Variants in UCK2 observed in about 807,000 individuals in gnomAD.
The protein encoded by UCK2 is cytidine monophosphokinase 2.
In UCK2, 6 loss-of-function variants were observed where a neutral mutation model predicts 30.8. The ratio of observed to expected loss-of-function variants is 0.19; its 90% CI spans 0.11 to 0.38. UCK2 has a LOEUF of 0.38. UCK2 is among the 10% of genes least tolerant of loss of function. The pLI is 1.00. For missense variants in UCK2, 210 were observed against 339.8 expected, an observed-to-expected ratio of 0.62 and a Z score of 3.00; for synonymous variants, 125 against 133.6, an observed-to-expected ratio of 0.94 and a Z score of 0.45.
At chr1:165,841,109 G>GTATATATATA (rs1427958973) in intron 1 of UCK2, among the ~76,000 whole-genome samples, 2,234 of 46,184 alleles carry the variant, frequency 0.048, 30 homozygotes, top group Admixed American at 0.064. Context: ...GTGTGTGTGT[G>GTATATATATA]TGTATATATA....
In UCK2 at chr1:165,898,503, C is replaced by T. The variant is rs116932396; in HGVS notation, c.499+2171C>T. Among the ~76,000 whole-genome samples the T allele has an allele frequency of 8.9e-3, 1,358 of 152,284 alleles. 35 individuals are homozygous for T. Among genetic ancestry groups the T allele is most frequent in the Admixed American group, 0.057 (870 of 15,296 alleles). ...TTAGATCCTCCAAGGGGATCTGCTC[C>T]GGTCATGTCCTCAGGAGCTAGTGAT... is the stretch of plus-strand genomic sequence containing the variant. On this transcript the variant is annotated intron_variant, in intron 4 of 6. Coordinates refer to ENST00000367879, the MANE Select transcript of UCK2 (RefSeq NM_012474.5).
chr1:165,849,980 G>T (rs1385800252), intron 1 of UCK2, among the ~76,000 whole-genome samples: 1 of 152,144 alleles, frequency 6.6e-6, no homozygotes, highest in Non-Finnish European at 1.5e-5. Context: ...TGGATTAACA[G>T]GTAAGAGTTT....
intron 1 of UCK2, among the ~76,000 whole-genome samples, chr1:165,858,551 G>A (rs1011492550): frequency 6.6e-6 from 1 of 152,186 alleles, no homozygotes; most frequent in Admixed American, 6.5e-5. Context: ...GTTATGCCAG[G>A]TCATGAAGCA....
At chr1:165,869,180 A>G (rs188838621) in intron 1 of UCK2, among the ~76,000 whole-genome samples, 61 of 152,320 alleles carry the variant, frequency 4.0e-4, no homozygotes, top group African/African-American at 1.5e-3. Context: ...AGTAATGTCA[A>G]AGATCACTGA....
In UCK2 at chr1:165,827,851, G is replaced by A. The variant is rs200215834; in HGVS notation, c.18G>A (p.Glu6=). 82 of 1,470,018 alleles carry A rather than the reference G, an allele frequency of 5.6e-5. No individual in the cohort carries two copies. The highest frequency in any genetic ancestry group is 2.5e-4 in the East Asian group (9 of 35,610). 91.1% of individuals were successfully genotyped at this position (1,470,018 alleles called of 1,614,324 possible). A position where few individuals can be genotyped will look rare whatever the true frequency, so the allele number is the denominator to read the frequency against. The change falls in exon 1 of 7, where the codon GAG becomes GAA. Residue 6 remains glutamate (E), a synonymous_variant. Coordinates refer to ENST00000367879, the MANE Select transcript of UCK2 (RefSeq NM_012474.5). ...CGCGAACCATGGCCGGGGACAGCGA[G>A]CAGACCCTGCAGAACCACCAGCAGC... MAGDS[E]QTLQNHQQPN... is the part of the protein sequence containing the mutation.
intron 1 of UCK2, among the ~76,000 whole-genome samples, chr1:165,854,620 A>C (rs1239944990): frequency 1.3e-5 from 2 of 150,976 alleles, no homozygotes; most frequent in Admixed American, 1.3e-4. Flanking sequence ...TAAATAAATA[A>C]ATAAATAAAT....
At chr1:165,869,399 A>G (rs1343625555) in intron 1 of UCK2, among the ~76,000 whole-genome samples, 2 of 152,106 alleles carry the variant, frequency 1.3e-5, no homozygotes, top group Non-Finnish European at 2.9e-5. Flanking sequence ...GTATGCCTGT[A>G]TCTACTTGAG....
chr1:165,867,403 T>C (rs1571280881), intron 1 of UCK2, among the ~76,000 whole-genome samples: 1 of 152,318 alleles, frequency 6.6e-6, no homozygotes, highest in East Asian at 1.9e-4. Context: ...TTGCCCATAG[T>C]CAAACTTCTT....
chr1:165,889,828 T>A (rs1655718969), intron 1 of UCK2, among the ~76,000 whole-genome samples: 1 of 151,900 alleles, frequency 6.6e-6, no homozygotes, highest in Admixed American at 6.6e-5. Flanking sequence ...TTTTTCCTTA[T>A]CCTCTGCTTC....
chr1:165,846,023 G>A (rs780977460), intron 1 of UCK2, among the ~76,000 whole-genome samples: 9 of 152,160 alleles, frequency 5.9e-5, no homozygotes, highest in Admixed American at 6.5e-5. Flanking sequence ...CAGGTGCAGT[G>A]GCTCATGCTT....
chr1:165,901,773 G>T lies in UCK2; in HGVS notation c.500-1409G>T, dbSNP rs578145540. Among the ~76,000 whole-genome samples, 4 of 152,244 alleles carry T rather than the reference G, an allele frequency of 2.6e-5. No individual in the cohort carries two copies. In the South Asian group the frequency reaches 8.3e-4, roughly 32 times the overall value. On this transcript the variant is annotated intron_variant, in intron 4 of 6. Transcript: ENST00000367879. ...ATGGGGAAACTAAGGCTCATGTACA[G>T]CGGCAGAATGAGGGTGATCAGTCTT... is the stretch of plus-strand genomic sequence containing the variant.
intron 4 of UCK2, among the ~76,000 whole-genome samples, chr1:165,896,692 G>A (rs1647270740): frequency 6.6e-6 from 1 of 152,188 alleles, no homozygotes; most frequent in Non-Finnish European, 1.5e-5. Flanking sequence ...TCTGATTTGG[G>A]GAACTAACTG....
intron 1 of UCK2, among the ~76,000 whole-genome samples, chr1:165,872,458 A>C (rs1305933195): frequency 6.6e-6 from 1 of 152,224 alleles, no homozygotes; most frequent in Admixed American, 6.5e-5. Flanking sequence ...TATCATTAAG[A>C]GTGAGGGGGA....
Position 165,903,134 on chromosome 1 carries a change from G to A in UCK2, c.500-48G>A, listed in dbSNP as rs373812330. 1.4e-5 allele frequency: 21 copies of A among 1,508,046 alleles called. No individual in the cohort carries two copies. The African/African-American group carries it at 2.6e-4, about 19-fold the overall frequency. The allele number at this position is 1,508,046 out of a possible 1,614,324, so 93.4% of individuals were successfully genotyped here. On this transcript the variant is annotated intron_variant, in intron 4 of 6. Transcript: ENST00000367879. ...TCCACCCCATGAAGGGCGGGTGTGT[G>A]CTGGCTCCTACACCGTTTTTTGATT... is the stretch of plus-strand genomic sequence containing the variant.
At chr1:165,837,354 C>T (rs1654221066) in intron 1 of UCK2, among the ~76,000 whole-genome samples, 1 of 152,184 alleles carries the variant, frequency 6.6e-6, no homozygotes, top group South Asian at 2.1e-4. Flanking sequence ...ACACAAAGTA[C>T]TTCTTGAATC....
rs548140768 is a variant in UCK2 at position 165,900,492 on chromosome 1, C to G, written c.500-2690C>G. ...ATTCAGGTCCAGGGCAGTTTTCCCC[C>G]CAGAGCCCATAGAGGTAGAACAAGA... On this transcript the variant is annotated intron_variant, in intron 4 of 6. Transcript: ENST00000367879. 25 of 152,338 alleles carry G rather than the reference C, an allele frequency of 1.6e-4. 1 individual carries two copies. The East Asian group carries it at 4.8e-3, about 29-fold the overall frequency. The allele number at this position is 152,338 out of a possible 1,614,324, so 9.4% of individuals were successfully genotyped here.
chr1:165,828,728 C>T (rs950180262), intron 1 of UCK2, among the ~76,000 whole-genome samples: 3 of 152,126 alleles, frequency 2.0e-5, no homozygotes, highest in Non-Finnish European at 2.9e-5. Context: ...TTTGTTTTAT[C>T]CGCAAGGCAA....
intron 1 of UCK2, among the ~76,000 whole-genome samples, chr1:165,870,857 G>T (rs1191329915): frequency 6.6e-6 from 1 of 152,202 alleles, no homozygotes; most frequent in African/African-American, 2.4e-5. Flanking sequence ...TTGCTCTGTT[G>T]CCCCGGCTGG....
chr1:165,905,219 A>T (rs1647609901), intron 5 of UCK2, among the ~76,000 whole-genome samples: 1 of 152,200 alleles, frequency 6.6e-6, no homozygotes, highest in African/African-American at 2.4e-5. Flanking sequence ...GCAGTGGCTC[A>T]CGCCTGTAAT....
Sources: allele counts gnomAD v4.1 joint callset (sites outside exome capture counted in the v4.1 genomes callset), GRCh38; gene constraint gnomAD v4.1.1; transcripts MANE v1.5; gene names NCBI Gene and HGNC (gene_info 2026-07-23, HGNC 2026-07-21).